VAMP7: variants seen among roughly 807,000 people sequenced by gnomAD.
VAMP7 encodes vesicle-associated membrane protein 7.
In VAMP7, 14 loss-of-function variants were observed where a neutral mutation model predicts 29.6. The observed-to-expected ratio is 0.47, with a 90% confidence interval of 0.31 to 0.74. VAMP7 has a LOEUF of 0.74. VAMP7 is among the 30% of genes least tolerant of loss of function. The pLI is 0.05. For missense variants in VAMP7, 223 were observed against 262.4 expected (o/e 0.85, Z 1.04); for synonymous variants, 95 against 88.1 (o/e 1.08, Z -0.44).
chrX:155,902,566 T>A (rs1452450462), intron 5 of VAMP7, among the ~76,000 whole-genome samples: 6 of 151,008 alleles, frequency 4.0e-5, no homozygotes, highest in Admixed American at 2.6e-4. Context: ...TTATTGAGAG[T>A]TTTTAGCATG....
At chrX:155,901,750 T>C (rs1356524740) in intron 5 of VAMP7, among the ~76,000 whole-genome samples, 2 of 152,146 alleles carry the variant, frequency 1.3e-5, no homozygotes, top group African/African-American at 4.8e-5. Flanking sequence ...TTGGTACCAG[T>C]ACCATGCTGT....
intron 5 of VAMP7, among the ~76,000 whole-genome samples, chrX:155,915,240 G>T (rs2066294270): frequency 6.6e-6 from 1 of 151,934 alleles, no homozygotes; most frequent in Non-Finnish European, 1.5e-5. Flanking sequence ...GTTTCTATTT[G>T]ATTCTTCTCT....
chrX:155,892,767 A>ATTG (rs1383311856), intron 2 of VAMP7, among the ~76,000 whole-genome samples: 2 of 151,010 alleles, frequency 1.3e-5, no homozygotes, highest in East Asian at 1.9e-4. Flanking sequence ...TATTATTATT[A>ATTG]TTGAGACGAA....
chrX:155,921,665 C>T (rs2066397939), intron 6 of VAMP7, among the ~76,000 whole-genome samples: 1 of 151,978 alleles, frequency 6.6e-6, no homozygotes, highest in Non-Finnish European at 1.5e-5. Context: ...TTCCATTGGT[C>T]AGTTTGTCTA....
chrX:155,942,050 C>A lies in VAMP7; in HGVS notation c.*99C>A. On this transcript the variant is annotated 3_prime_UTR_variant, in exon 8 of 8. Transcript: ENST00000286448. ...TTCACATACTGACAGATGGTATCTG[C>A]CAGTCTCTTCAACCCTCTTCTCACT... is the stretch of plus-strand genomic sequence containing the variant. The A allele has an allele frequency of 6.2e-7, 1 of 1,604,456 alleles. No homozygotes were observed. Among genetic ancestry groups the A allele is most frequent in the Non-Finnish European group, 8.5e-7 (1 of 1,174,628 alleles).
intron 6 of VAMP7, among the ~76,000 whole-genome samples, chrX:155,929,348 T>C (rs1274034158): frequency 6.6e-6 from 1 of 152,184 alleles, no homozygotes; most frequent in Non-Finnish European, 1.5e-5. Context: ...TAGCATAAGC[T>C]ATTGATTGCT....
At chrX:155,908,004 G>A (rs2066174161) in intron 5 of VAMP7, among the ~76,000 whole-genome samples, 2 of 152,122 alleles carry the variant, frequency 1.3e-5, no homozygotes, top group South Asian at 2.1e-4. Flanking sequence ...ATGGGATGGC[G>A]GCTGGGCAGA....
intron 5 of VAMP7, among the ~76,000 whole-genome samples, chrX:155,916,316 C>T (rs2066312422): frequency 6.6e-6 from 1 of 152,042 alleles, no homozygotes; most frequent in Non-Finnish European, 1.5e-5. Context: ...TTCAATTTGC[C>T]AGTCTGTGTC....
Position 155,941,892 on chromosome X carries a change from T to C in VAMP7, c.604T>C (p.Tyr202His). The C allele has an allele frequency of 6.2e-7, 1 of 1,613,802 alleles. No homozygotes were observed. Among genetic ancestry groups the C allele is most frequent in the South Asian group, 1.1e-5 (1 of 91,046 alleles). Reference protein sequence around the residue: ...IIIIVSIVFIYIIVSPLCGGF... With the variant: ...IIIIVSIVFIHIIVSPLCGGF... ...CTCCTCGTCCCTCCAGGTGTTCATCTATATCATTGTTTCACCTCTCTGTGG... is the reference window on the plus strand; with the variant it reads ...CTCCTCGTCCCTCCAGGTGTTCATCCATATCATTGTTTCACCTCTCTGTGG... Residue 202 changes from tyrosine (Y) to histidine (H), a missense_variant, in exon 8 of 8, where the codon TAT becomes CAT. By Grantham distance (83) the Tyr-to-His change is moderately conservative. Transcript: ENST00000286448.
intron 6 of VAMP7, among the ~76,000 whole-genome samples, chrX:155,929,763 G>A (rs1288481992): frequency 6.6e-6 from 1 of 152,122 alleles, no homozygotes; most frequent in East Asian, 1.9e-4. Flanking sequence ...GCAACACAGA[G>A]GAGCAGAGCA....
At chrX:155,931,654 C>G (rs1370985847) in intron 6 of VAMP7, among the ~76,000 whole-genome samples, 2 of 152,116 alleles carry the variant, frequency 1.3e-5, no homozygotes, top group Admixed American at 6.5e-5. Context: ...TTCTCCCACT[C>G]TGTAGGTTGC....
Position 155,887,798 on chromosome X carries a change from G to A in VAMP7, c.-9-1660G>A, listed in dbSNP as rs140507064. ...AATACAAAAATAGCCGGACATGGTG[G>A]CACACACCTGTAGTCCCAGATACTC... On this transcript the variant is annotated intron_variant, in intron 1 of 7. Transcript: ENST00000286448. 9.2e-3 allele frequency among the ~76,000 whole-genome samples: 1,397 copies of A among 152,072 alleles called. 21 individuals are homozygous for A. Among genetic ancestry groups the A allele is most frequent in the African/African-American group, 0.032 (1,339 of 41,476 alleles).
intron 5 of VAMP7, among the ~76,000 whole-genome samples, chrX:155,908,236 G>T (rs376652711): frequency 3.3e-5 from 5 of 152,182 alleles, no homozygotes; most frequent in African/African-American, 1.2e-4. Flanking sequence ...GCAGCGAGCC[G>T]AGATCGCGCC....
chrX:155,884,273 G>A (rs770355251), intron 1 of VAMP7, among the ~76,000 whole-genome samples: 32 of 151,734 alleles, frequency 2.1e-4, no homozygotes, highest in African/African-American at 4.8e-4. Context: ...AATTACAGGC[G>A]TGCGCCACCA....
chrX:155,892,032 C>T (rs1490642131), intron 2 of VAMP7, among the ~76,000 whole-genome samples: 1 of 152,118 alleles, frequency 6.6e-6, no homozygotes, highest in Non-Finnish European at 1.5e-5. Flanking sequence ...CATATATCTT[C>T]CACTCATGTA....
intron 5 of VAMP7, among the ~76,000 whole-genome samples, chrX:155,915,193 G>A (rs1240932932): frequency 6.6e-6 from 1 of 152,046 alleles, no homozygotes; most frequent in African/African-American, 2.4e-5. Context: ...GTATTTCTGT[G>A]GGATCAGTGG....
intron 6 of VAMP7, among the ~76,000 whole-genome samples, chrX:155,927,295 C>A (rs2066481780): frequency 6.6e-6 from 1 of 151,400 alleles, no homozygotes; most frequent in African/African-American, 2.4e-5. Context: ...GTACAGCAAA[C>A]CACCATGTCA....
intron 5 of VAMP7, among the ~76,000 whole-genome samples, chrX:155,908,095 G>T (rs1258316658): frequency 6.6e-6 from 1 of 152,080 alleles, no homozygotes; most frequent in African/African-American, 2.4e-5. Flanking sequence ...AGGCAGAGGG[G>T]CTCCTCACAT....
chrX:155,905,105 T>C (rs1186193698), intron 5 of VAMP7, among the ~76,000 whole-genome samples: 1 of 151,956 alleles, frequency 6.6e-6, no homozygotes, highest in Non-Finnish European at 1.5e-5. Context: ...TTTTTGATTA[T>C]ACCCAGTCTA....
Sources: allele counts gnomAD v4.1 joint callset (sites outside exome capture counted in the v4.1 genomes callset), GRCh38; gene constraint gnomAD v4.1.1; transcripts MANE v1.5; gene names NCBI Gene and HGNC (gene_info 2026-07-23, HGNC 2026-07-21).